Variants in CLIP1 observed in about 807,000 individuals in gnomAD.
CLIP1 encodes the protein CAP-Gly domain-containing linker protein 1.
Under a neutral mutation model 161.6 loss-of-function variants are expected in CLIP1, and 66 were observed. The observed-to-expected ratio is 0.41, with a 90% CI of 0.33 to 0.50. The LOEUF (loss-of-function observed/expected upper bound fraction) is 0.50, where lower values mean the gene tolerates loss of function less well. CLIP1 is among the 20% of genes least tolerant of loss of function. The pLI, the probability that CLIP1 is intolerant of heterozygous loss-of-function variation, is 0.27. For missense variants in CLIP1, 1,376 were observed against 1,702.0 expected (o/e 0.81, Z 3.37); for synonymous variants, 598 against 626.2 (o/e 0.96, Z 0.67).
At chr12:122,305,004 T>C (rs1950816157) in intron 20 of CLIP1, among the ~76,000 whole-genome samples, 1 of 152,214 alleles carries the variant, frequency 6.6e-6, no homozygotes, top group African/African-American at 2.4e-5. Context: ...GTATAATACA[T>C]CTGCTATAAC....
intron 20 of CLIP1, 148 bp from the exon 21 acceptor site, chr12:122,288,689 A>G: frequency 1.6e-6 from 1 of 637,530 alleles, no homozygotes; most frequent in East Asian, 2.7e-5. Flanking sequence ...TGGTCACTCT[A>G]TCACAGGATG....
At chr12:122,412,673 C>A (rs10846830) in intron 1 of CLIP1, among the ~76,000 whole-genome samples, 7 of 151,928 alleles carry the variant, frequency 4.6e-5, no homozygotes, top group African/African-American at 9.7e-5. Context: ...AAAAAAAAAC[C>A]AAAGTACATA....
chr12:122,338,299 A>G (rs1952338440), intron 11 of CLIP1, among the ~76,000 whole-genome samples: 1 of 152,020 alleles, frequency 6.6e-6, no homozygotes. Flanking sequence ...ACAGAACGAG[A>G]CTCTGTCTTA....
chr12:122,309,724 C>CA, intron 20 of CLIP1, 38 bp downstream of exon 20: 1 of 1,610,282 alleles, frequency 6.2e-7, no homozygotes, highest in Non-Finnish European at 8.5e-7. Flanking sequence ...CAGCACCCAG[C>CA]ATGGCACAGC....
chr12:122,355,487 T>C lies in CLIP1; in HGVS notation c.1006-175A>G, dbSNP rs1053540464. The C allele has an allele frequency of 1.7e-6, 1 of 599,392 alleles. No individual in the cohort carries two copies. Among genetic ancestry groups the C allele is most frequent in the Non-Finnish European group, 3.0e-6 (1 of 335,626 alleles). 37.1% of individuals were successfully genotyped at this position (599,392 alleles called of 1,614,324 possible). A position where few individuals can be genotyped will look rare whatever the true frequency, so the allele number is the denominator to read the frequency against. The stretch of plus-strand genomic sequence containing the variant: ...AACACAAGACAGTGTGTGCCTTCTG[T>C]CTATAAATCTCACAAAGAATACATC... On this transcript the variant is annotated intron_variant, in intron 5 of 25. Transcript: ENST00000620786. This position sits in a 1 kb window ranked among gnomAD's most constrained non-coding sequence, Gnocchi z 4.1.
chr12:122,300,247 G>A (rs146957538), intron 20 of CLIP1, among the ~76,000 whole-genome samples: 316 of 152,240 alleles, frequency 2.1e-3, no homozygotes, highest in African/African-American at 6.9e-3. Flanking sequence ...TCCAGCCTGG[G>A]TGGCAGAGAA....
At chr12:122,409,587 A>G (rs1180649479) in intron 1 of CLIP1, among the ~76,000 whole-genome samples, 2 of 152,042 alleles carry the variant, frequency 1.3e-5, no homozygotes, top group African/African-American at 4.8e-5. Context: ...GTTGGAGTGC[A>G]GTGGCTCAAT....
chr12:122,329,044 C>T (rs74623984), intron 15 of CLIP1, among the ~76,000 whole-genome samples: 12,366 of 152,068 alleles, frequency 0.081, 686 homozygotes, highest in Middle Eastern at 0.16. Flanking sequence ...TTAAAGGAAA[C>T]GAGACCAGGC....
At chr12:122,295,388 T>C (rs928622533) in intron 20 of CLIP1, among the ~76,000 whole-genome samples, 1 of 152,130 alleles carries the variant, frequency 6.6e-6, no homozygotes, top group Non-Finnish European at 1.5e-5. Context: ...AAAAAGAAAC[T>C]AGATACATAA....
At chr12:122,362,691 ATC>A (rs1365798628) in intron 4 of CLIP1, among the ~76,000 whole-genome samples, 28 of 106,968 alleles carry the variant, frequency 2.6e-4, no homozygotes, top group Non-Finnish European at 4.5e-4. Context: ...AATTTTTAAT[ATC>A]TGTTTCAATA....
chr12:122,394,942 T>C (rs1401628428), intron 1 of CLIP1, among the ~76,000 whole-genome samples: 2 of 152,144 alleles, frequency 1.3e-5, no homozygotes, highest in African/African-American at 2.4e-5. Context: ...ACCAACACCT[T>C]TTCTTCCAAC....
chr12:122,298,997 G>A (rs74801726), intron 20 of CLIP1, among the ~76,000 whole-genome samples: 15,327 of 152,154 alleles, frequency 0.1, 2,507 homozygotes, highest in African/African-American at 0.35. Context: ...GCTACAGGGC[G>A]GGGGTATCGT....
At chr12:122,287,115 C>T (rs543021328) in intron 21 of CLIP1, among the ~76,000 whole-genome samples, 6 of 151,884 alleles carry the variant, frequency 4.0e-5, no homozygotes, top group African/African-American at 1.4e-4. Context: ...TTGAGGCTGC[C>T]GTAAGCCATG....
At chr12:122,288,882 C>G (rs1185571671) in intron 20 of CLIP1, among the ~76,000 whole-genome samples, 2 of 137,524 alleles carry the variant, frequency 1.5e-5, no homozygotes, top group Non-Finnish European at 3.0e-5. Context: ...GTGGCGTGAT[C>G]TCGGCTCACT....
At chr12:122,417,614 A>G (rs946725797) in intron 1 of CLIP1, among the ~76,000 whole-genome samples, 8 of 144,912 alleles carry the variant, frequency 5.5e-5, no homozygotes, top group Non-Finnish European at 1.5e-5. Flanking sequence ...CTGGGTTCAC[A>G]CCATTCTCCT....
intron 24 of CLIP1, chr12:122,277,458 AG>A (rs1955477010): frequency 6.6e-6 from 1 of 151,932 alleles, no homozygotes; most frequent in Non-Finnish European, 1.5e-5. Flanking sequence ...CTGGAATTAC[AG>A]GGATAAGCCA....
chr12:122,273,124 C>A (rs1304448142), intron 25 of CLIP1, 24 bp from the exon 26 acceptor site: 2 of 1,591,618 alleles, frequency 1.3e-6, no homozygotes, highest in Admixed American at 1.7e-5. Flanking sequence ...TGTGTGAAAT[C>A]AGAAAATTTA....
chr12:122,398,723 A>C (rs1425772987), intron 1 of CLIP1, among the ~76,000 whole-genome samples: 1 of 151,756 alleles, frequency 6.6e-6, no homozygotes, highest in Non-Finnish European at 1.5e-5. Flanking sequence ...AATTTTTTTT[A>C]ATTAGCCGGG....
At chr12:122,387,590 ATT>A (rs139790813) in intron 1 of CLIP1, among the ~76,000 whole-genome samples, 9 of 6,270 alleles carry the variant, frequency 1.4e-3, no homozygotes, top group East Asian at 5.6e-3. Flanking sequence ...ATATATATAT[ATT>A]TTTTTTTTTT....
Sources: gnomAD v4.1 joint callset for allele counts (sites outside exome capture counted in the v4.1 genomes callset) on GRCh38, gnomAD v4.1.1 for gene constraint, Gnocchi (gnomAD v3.1) non-coding constraint, MANE v1.5 for transcripts, NCBI Gene and HGNC (gene_info 2026-07-23, HGNC 2026-07-21) for gene names.